ZNF622: variants seen among roughly 807,000 people sequenced by gnomAD.
The protein encoded by ZNF622 is zinc finger protein 622, also known as cytoplasmic 60S subunit biogenesis factor ZNF622.
In ZNF622, 34 loss-of-function variants were observed where a neutral mutation model predicts 49.7. The observed-to-expected ratio is 0.68, with a 90% CI of 0.52 to 0.91. The LOEUF (loss-of-function observed/expected upper bound fraction) is 0.91, where lower values mean the gene tolerates loss of function less well. Ranked by LOEUF, ZNF622 falls within the 40% of genes least tolerant of loss-of-function variation. The pLI is 0.00. For synonymous variants in ZNF622, 209 were observed against 228.7 expected, an observed-to-expected ratio of 0.91 and a Z score of 0.78; for missense variants, 569 against 616.4, an observed-to-expected ratio of 0.92 and a Z score of 0.81.
At chr5:16,461,470 A>G (rs974834405) in intron 3 of ZNF622, among the ~76,000 whole-genome samples, 1 of 152,246 alleles carries the variant, frequency 6.6e-6, no homozygotes, top group African/African-American at 2.4e-5. Context: ...GTAGGAAGTC[A>G]GGCGAAAGAT....
At chr5:16,455,113 A>C (rs1441318843) in intron 4 of ZNF622, among the ~76,000 whole-genome samples, 2 of 152,198 alleles carry the variant, frequency 1.3e-5, no homozygotes, top group African/African-American at 4.8e-5. Context: ...GCATATACAT[A>C]AGGCACGAAA....
Position 16,463,857 on chromosome 5 carries a change from C to A in ZNF622, c.626-115G>T. On this transcript the variant is annotated intron_variant, in intron 1 of 5. Transcript: ENST00000308683. The surrounding 1 kb of genome is among the most constrained non-coding windows in gnomAD (Gnocchi z 4.2). ...ATTTGGAGAAACAGCCACACCCCAA[C>A]TCCCAAGGACAACTCCTCTTTCAAG... is the stretch of plus-strand genomic sequence containing the variant. 1.8e-6 allele frequency: 2 copies of A among 1,081,190 alleles called. No homozygotes were observed. The highest frequency in any genetic ancestry group is 1.3e-6 in the Non-Finnish European group (1 of 747,538). 67.0% of individuals were successfully genotyped at this position (1,081,190 alleles called of 1,614,324 possible). A position where few individuals can be genotyped will look rare whatever the true frequency, so the allele number is the denominator to read the frequency against.
intron 4 of ZNF622, among the ~76,000 whole-genome samples, chr5:16,454,562 T>C (rs561239788): frequency 3.0e-4 from 44 of 144,602 alleles, no homozygotes; most frequent in Non-Finnish European, 5.7e-4. Context: ...GCTGGAATAA[T>C]AAAAACCTGA....
At chr5:16,454,973 A>C (rs1738002228) in intron 4 of ZNF622, among the ~76,000 whole-genome samples, 1 of 152,230 alleles carries the variant, frequency 6.6e-6, no homozygotes, top group Admixed American at 6.5e-5. Context: ...TCAGCATTGC[A>C]AAGCCAGTGT....
Position 16,451,715 on chromosome 5 carries a change from G to A in ZNF622, c.1376C>T (p.Thr459Ile). 2 of 1,614,096 alleles carry A rather than the reference G, an allele frequency of 1.2e-6. No homozygotes were observed. Among genetic ancestry groups the A allele is most frequent in the Non-Finnish European group, 1.7e-6 (2 of 1,180,014 alleles). Residue 459 changes from threonine (T) to isoleucine (I), a missense_variant, in exon 6 of 6, where the codon ACA becomes ATA. Coordinates refer to ENST00000308683, the MANE Select transcript of ZNF622 (RefSeq NM_033414.3). ...QRMKSKWMLKTGMKNNATKQM... is the reference protein window; with the variant it reads ...QRMKSKWMLKIGMKNNATKQM... ...CTTGGTGGCATTGTTCTTCATTCCT[G>A]TCTTCAGCATCCATTTTGATTTCAT...
At chr5:16,462,744 C>G (rs954621565) in intron 3 of ZNF622, among the ~76,000 whole-genome samples, 2 of 152,206 alleles carry the variant, frequency 1.3e-5, no homozygotes, top group Admixed American at 6.5e-5. Flanking sequence ...GCAACTGTCT[C>G]AACTCCTTCA....
Position 16,465,757 on chromosome 5 carries a change from A to AGC in ZNF622, c.-94_-93dup. Reference sequence around the variant, plus strand: ...CCCTCAGACCTTAACCCGCCTCAGCAGCCAGGAAGAGCCACTCGACACGCC... The same window carrying AGC: ...CCCTCAGACCTTAACCCGCCTCAGCAGCGCCAGGAAGAGCCACTCGACACGCC... On this transcript the variant is annotated 5_prime_UTR_variant, in exon 1 of 6. Transcript: ENST00000308683. The surrounding 1 kb of genome is among the most constrained non-coding windows in gnomAD (Gnocchi z 6.2). 2.7e-6 allele frequency: 4 copies of AGC among 1,469,626 alleles called. No individual in the cohort carries two copies. The highest frequency in any genetic ancestry group is 3.6e-6 in the Non-Finnish European group (4 of 1,098,208). The allele number at this position is 1,469,626 out of a possible 1,614,324, so 91.0% of individuals were successfully genotyped here.
chr5:16,453,654 A>C (rs1365920907), intron 4 of ZNF622, among the ~76,000 whole-genome samples: 1 of 148,896 alleles, frequency 6.7e-6, no homozygotes, highest in Non-Finnish European at 1.5e-5. Flanking sequence ...TACAAGCCAC[A>C]GTCAGGATCT....
chr5:16,452,233 T>G (rs1306733920), intron 5 of ZNF622, among the ~76,000 whole-genome samples: 10 of 152,164 alleles, frequency 6.6e-5, no homozygotes. Flanking sequence ...TTTAGTTGCC[T>G]AGAGCTTCCC....
intron 3 of ZNF622, among the ~76,000 whole-genome samples, chr5:16,461,352 T>C (rs992086321): frequency 1.3e-5 from 2 of 152,252 alleles, no homozygotes; most frequent in African/African-American, 4.8e-5. Context: ...TGAGCAGAGT[T>C]TGACCTCACT....
intron 4 of ZNF622, among the ~76,000 whole-genome samples, chr5:16,454,888 T>C (rs1306183122): frequency 2.0e-5 from 3 of 152,190 alleles, no homozygotes; most frequent in Admixed American, 6.5e-5. Flanking sequence ...TCAAGGGAGA[T>C]GACCTGAAGG....
At position 16,465,238 on chromosome 5, in the gene ZNF622, G is replaced by T; in HGVS notation, c.428C>A (p.Ser143Tyr). The T allele has an allele frequency of 6.2e-7, 1 of 1,614,252 alleles. No individual in the cohort carries two copies. Among genetic ancestry groups the T allele is most frequent in the Non-Finnish European group, 8.5e-7 (1 of 1,180,042 alleles). ...QQAIKAQPSM[S>Y]PKKAPPAPAK... ...AGGCGCTGGGGGCGCCTTCTTGGGA[G>T]ACATGGACGGCTGGGCCTTGATGGC... The change falls in exon 1 of 6, where the codon TCT (serine) becomes TAT (tyrosine). Residue 143 changes from serine to tyrosine, a missense_variant. Coordinates refer to ENST00000308683, the MANE Select transcript of ZNF622 (RefSeq NM_033414.3). This position sits in a 1 kb window ranked among gnomAD's most constrained non-coding sequence, Gnocchi z 6.2.
At position 16,463,370 on chromosome 5, in the gene ZNF622, A is replaced by G; in HGVS notation, c.887-100T>C. 6.6e-7 allele frequency: 1 copy of G among 1,509,318 alleles called. No individual in the cohort carries two copies. The highest frequency in any genetic ancestry group is 2.1e-5 in the Admixed American group (1 of 46,926). 93.5% of individuals were successfully genotyped at this position (1,509,318 alleles called of 1,614,324 possible). A position where few individuals can be genotyped will look rare whatever the true frequency, so the allele number is the denominator to read the frequency against. On this transcript the variant is annotated intron_variant, in intron 2 of 5. Coordinates refer to ENST00000308683, the MANE Select transcript of ZNF622 (RefSeq NM_033414.3). This position sits in a 1 kb window ranked among gnomAD's most constrained non-coding sequence, Gnocchi z 4.2. ...AAACTCAAAAATCATTCACAAAATA[A>G]CCAAGCAATTATATCAAAGATTGAT...
chr5:16,461,136 T>C (rs1738115266), intron 3 of ZNF622, among the ~76,000 whole-genome samples: 1 of 152,226 alleles, frequency 6.6e-6, no homozygotes, highest in Admixed American at 6.5e-5. Flanking sequence ...CAAGTGAATA[T>C]CTAAGCGAAT....
chr5:16,455,172 C>A (rs1243079112), intron 4 of ZNF622, among the ~76,000 whole-genome samples: 1 of 152,094 alleles, frequency 6.6e-6, no homozygotes, highest in East Asian at 1.9e-4. Flanking sequence ...TAGGTAGAAC[C>A]CTGTGTACGG....
intron 4 of ZNF622, 96 bp from the exon 5 acceptor site, chr5:16,453,252 A>G (rs1157753367): frequency 5.7e-6 from 7 of 1,230,654 alleles, no homozygotes; most frequent in Non-Finnish European, 7.4e-6. Flanking sequence ...ATCTTTTAGT[A>G]TATCTAGATG....
In ZNF622 at chr5:16,463,481, C is replaced by T; in HGVS notation, c.886+1G>A. On this transcript the variant is annotated splice_donor_variant, in intron 2 of 5. Transcript: ENST00000308683. LOFTEE classifies it high-confidence loss of function. The surrounding 1 kb of genome is among the most constrained non-coding windows in gnomAD (Gnocchi z 4.2). ...ATTAAAAGGAAAACTATTGTACTTA[C>T]CCAAGTATTTAATCAGTCCCTTAAT... 21 of 1,610,126 alleles carry T rather than the reference C, an allele frequency of 1.3e-5. No individual in the cohort carries two copies. Among genetic ancestry groups the T allele is most frequent in the Non-Finnish European group, 1.8e-5 (21 of 1,176,986 alleles).
chr5:16,453,176 T>C lies in ZNF622; in HGVS notation c.1163-20A>G, dbSNP rs377320304. ...TGGCACCTGTTTTTCAAAAGAGCAA[T>C]ACTGAAACACTGAGTTGGATAGTTT... On this transcript the variant is annotated intron_variant, in intron 4 of 5. Transcript: ENST00000308683. The C allele has an allele frequency of 2.0e-4, 300 of 1,481,874 alleles. 2 individuals are homozygous for C. The Middle Eastern group carries it at 5.8e-3, about 29-fold the overall frequency. 91.8% of individuals were successfully genotyped at this position (1,481,874 alleles called of 1,614,324 possible).
At chr5:16,452,234 A>G (rs549904908) in intron 5 of ZNF622, among the ~76,000 whole-genome samples, 166 of 152,316 alleles carry the variant, frequency 1.1e-3, no homozygotes, top group Middle Eastern at 3.4e-3. Context: ...TTAGTTGCCT[A>G]GAGCTTCCCA....
Sources: gnomAD v4.1 joint callset for allele counts (sites outside exome capture counted in the v4.1 genomes callset) on GRCh38, gnomAD v4.1.1 for gene constraint, Gnocchi (gnomAD v3.1) non-coding constraint, MANE v1.5 for transcripts, NCBI Gene and HGNC (gene_info 2026-07-23, HGNC 2026-07-21) for gene names.